The following FGD4 variants were observed in gnomAD, a reference collection of about 807,000 sequenced individuals.
FGD4 encodes FYVE, RhoGEF and PH domain containing 4.
FGD4 carries 42 observed loss-of-function variants against 102.0 expected under a neutral mutation model. The ratio of observed to expected loss-of-function variants is 0.41; its 90% CI spans 0.32 to 0.53. The LOEUF (loss-of-function observed/expected upper bound fraction) is 0.53. Ranked by LOEUF, FGD4 falls within the 20% of genes least tolerant of loss-of-function variation. FGD4 has a pLI of 0.21. For synonymous variants in FGD4, 380 were observed against 375.7 expected (o/e 1.01, Z -0.13); for missense variants, 902 against 1,078.2 (o/e 0.84, Z 2.29).
chr12:32,501,128 T>G (rs1938185750), intron 1 of FGD4, among the ~76,000 whole-genome samples: 1 of 152,242 alleles, frequency 6.6e-6, no homozygotes, highest in Non-Finnish European at 1.5e-5. Context: ...CATGGCTTAC[T>G]ACAGCCTTGG....
At chr12:32,417,723 T>TA (rs1180719275) in intron 1 of FGD4, among the ~76,000 whole-genome samples, 4 of 151,966 alleles carry the variant, frequency 2.6e-5, no homozygotes, top group Non-Finnish European at 5.9e-5. Context: ...TCTGTTCTGC[T>TA]AATAAGAGAC....
intron 1 of FGD4, among the ~76,000 whole-genome samples, chr12:32,499,043 C>T (rs1938001347): frequency 6.6e-6 from 1 of 152,128 alleles, no homozygotes; most frequent in Non-Finnish European, 1.5e-5. Flanking sequence ...AAACCTCTTA[C>T]AAAAGGAAAG....
chr12:32,400,019 G>A (rs1591829217), intron 1 of FGD4, 60 bp downstream of exon 1: 7 of 1,404,984 alleles, frequency 5.0e-6, no homozygotes, highest in South Asian at 4.6e-5. Context: ...GGTGAGGGGC[G>A]CTCCCAGCGC....
intron 4 of FGD4, 132 bp downstream of exon 4, chr12:32,582,599 G>A (rs1946706407): frequency 1.5e-5 from 18 of 1,177,456 alleles, no homozygotes; most frequent in Middle Eastern, 2.7e-4. Flanking sequence ...CGATTTTCAA[G>A]CTCTGGCTGC....
rs184125751 is a variant in FGD4 at position 32,537,327 on chromosome 12, C to T, written c.167-26810C>T. Among the ~76,000 whole-genome samples the T allele has an allele frequency of 9.2e-5, 14 of 152,296 alleles. No individual in the cohort carries two copies. The East Asian group carries it at 2.7e-3, about 29-fold the overall frequency. On this transcript the variant is annotated intron_variant, in intron 1 of 16. Coordinates refer to ENST00000534526, the MANE Select transcript of FGD4 (RefSeq NM_001370298.3). ...TCAAGATATATCAAACTGACTATGT[C>T]TTATTGCCTCTACTGTTACTTGCCC...
intron 1 of FGD4, chr12:32,485,940 GACTTATGAA>G (rs994540265): frequency 1.6e-6 from 2 of 1,274,724 alleles, no homozygotes; most frequent in Non-Finnish European, 2.0e-6. Context: ...GCCAGAAGAA[GACTTATGAA>G]ACAGAACTCT....
intron 1 of FGD4, among the ~76,000 whole-genome samples, chr12:32,401,730 T>C (rs1940670996): frequency 6.9e-6 from 1 of 144,600 alleles, no homozygotes; most frequent in African/African-American, 2.6e-5. Context: ...TCCATTCTTT[T>C]TTTTTTTTTT....
chr12:32,462,012 A>T (rs770991945), intron 1 of FGD4, among the ~76,000 whole-genome samples: 8 of 152,172 alleles, frequency 5.3e-5, no homozygotes, highest in Non-Finnish European at 1.2e-4. Context: ...GGCATGAGCC[A>T]CCGCGCCTGG....
chr12:32,413,051 TG>T (rs1941270357), intron 1 of FGD4, among the ~76,000 whole-genome samples: 1 of 151,482 alleles, frequency 6.6e-6, no homozygotes, highest in Non-Finnish European at 1.5e-5. Context: ...CACTCCAGCC[TG>T]GGTGACAGAG....
At chr12:32,493,978 G>A (rs1485186972) in intron 1 of FGD4, among the ~76,000 whole-genome samples, 3 of 152,220 alleles carry the variant, frequency 2.0e-5, no homozygotes, top group Non-Finnish European at 4.4e-5. Context: ...GGAAGAAAAT[G>A]TCTTAGGTAG....
At chr12:32,518,604 A>G (rs562423248) in intron 1 of FGD4, among the ~76,000 whole-genome samples, 1 of 152,240 alleles carries the variant, frequency 6.6e-6, no homozygotes, top group South Asian at 2.1e-4. Flanking sequence ...CTGAGGAGAG[A>G]ACAGAGACTG....
chr12:32,626,756 T>G (rs7962152), intron 14 of FGD4, among the ~76,000 whole-genome samples: 79,343 of 152,070 alleles, frequency 0.52, 22,215 homozygotes, highest in African/African-American at 0.72. Flanking sequence ...GAAAAAGATG[T>G]GTATAAATGT....
At chr12:32,483,669 T>G (rs1269484485) in intron 1 of FGD4, among the ~76,000 whole-genome samples, 3 of 152,162 alleles carry the variant, frequency 2.0e-5, no homozygotes, top group African/African-American at 7.2e-5. Context: ...TGCAGTACTT[T>G]TCTGAGCTAG....
chr12:32,538,568 G>A (rs933560595), intron 1 of FGD4, among the ~76,000 whole-genome samples: 1 of 152,156 alleles, frequency 6.6e-6, no homozygotes, highest in African/African-American at 2.4e-5. Flanking sequence ...TATGAAGAAA[G>A]TATGGAGGGG....
At chr12:32,565,797 C>T (rs1344843110) in intron 2 of FGD4, among the ~76,000 whole-genome samples, 1 of 152,094 alleles carries the variant, frequency 6.6e-6, no homozygotes, top group Non-Finnish European at 1.5e-5. Flanking sequence ...TATTTACTTC[C>T]TATGTTAAAT....
chr12:32,442,789 C>G (rs1314439736), intron 1 of FGD4, among the ~76,000 whole-genome samples: 2 of 152,022 alleles, frequency 1.3e-5, no homozygotes, highest in Non-Finnish European at 2.9e-5. Context: ...AACTCCTGAG[C>G]CCAGGTGATC....
intron 15 of FGD4, among the ~76,000 whole-genome samples, chr12:32,635,209 C>T (rs1157053518): frequency 2.6e-5 from 4 of 152,112 alleles, no homozygotes; most frequent in Admixed American, 6.6e-5. Flanking sequence ...CAAACTGGGG[C>T]TTTCTCAGGC....
At chr12:32,538,066 T>G (rs1942461273) in intron 1 of FGD4, among the ~76,000 whole-genome samples, 1 of 152,158 alleles carries the variant, frequency 6.6e-6, no homozygotes, top group African/African-American at 2.4e-5. Flanking sequence ...CTGGCTACTT[T>G]TTATATTTTT....
chr12:32,484,157 C>G lies in FGD4; in HGVS notation c.167-79980C>G, dbSNP rs1018361530. 5.3e-5 allele frequency among the ~76,000 whole-genome samples: 8 copies of G among 152,124 alleles called. No homozygotes were observed. In the East Asian group the frequency reaches 9.7e-4, roughly 18 times the overall value. ...TATAGTATGGCTTTATCTTGACTGCCTTGTCAGTCTTGGCCTCAATTTTCT... is the reference window on the plus strand; with the variant it reads ...TATAGTATGGCTTTATCTTGACTGCGTTGTCAGTCTTGGCCTCAATTTTCT... On this transcript the variant is annotated intron_variant, in intron 1 of 16. Coordinates refer to ENST00000534526, the MANE Select transcript of FGD4 (RefSeq NM_001370298.3).
Sources: gnomAD v4.1 joint callset for allele counts (sites outside exome capture counted in the v4.1 genomes callset) on GRCh38, gnomAD v4.1.1 for gene constraint, MANE v1.5 for transcripts, NCBI Gene and HGNC (gene_info 2026-07-23, HGNC 2026-07-21) for gene names.